The following TGM5 variants were observed in gnomAD, a reference collection of about 807,000 sequenced individuals.
The protein encoded by TGM5 is protein-glutamine gamma-glutamyltransferase 5.
A neutral mutation model predicts 77.2 loss-of-function variants in TGM5; 69 were observed. The ratio of observed to expected loss-of-function variants is 0.89; its 90% CI spans 0.74 to 1.09. The LOEUF (loss-of-function observed/expected upper bound fraction) is 1.09. Among genes scored for constraint, TGM5 ranks in the 50% least tolerant of loss-of-function variants. TGM5 has a pLI of 0.00. For missense variants in TGM5, 842 were observed against 896.5 expected, an observed-to-expected ratio of 0.94 and a Z score of 0.78; for synonymous variants, 346 against 351.8, an observed-to-expected ratio of 0.98 and a Z score of 0.18.
chr15:43,264,693 C>T (rs1398634098), intron 1 of TGM5, among the ~76,000 whole-genome samples: 2 of 151,978 alleles, frequency 1.3e-5, no homozygotes, highest in East Asian at 1.9e-4. Flanking sequence ...TAGATAGTGG[C>T]GATACTCGCA....
Position 43,260,193 on chromosome 15 carries a change from A to T in TGM5, c.295T>A (p.Ser99Thr), listed in dbSNP as rs2042774350. The change falls in exon 3 of 13, where the codon TCC (serine) becomes ACC (threonine). Residue 99 changes from serine to threonine, a missense_variant. Ser to Thr is a moderately conservative substitution (Grantham distance 58, BLOSUM62 1). Coordinates refer to ENST00000220420, the MANE Select transcript of TGM5 (RefSeq NM_201631.4). ...IAWLETNGAT[S>T]TEVSLCAPPT... is the part of the protein sequence containing the mutation. ...GGAGCGCACAAGCTCACCTCTGTGG[A>T]GGTGGCCCCATTGGTCTCCAGCCAG... 1 of 1,613,850 alleles carries T rather than the reference A, an allele frequency of 6.2e-7. No individual in the cohort carries two copies. The highest frequency in any genetic ancestry group is 8.5e-7 in the Non-Finnish European group (1 of 1,180,008).
At chr15:43,248,598 A>T (rs2042684118) in intron 6 of TGM5, among the ~76,000 whole-genome samples, 1 of 152,100 alleles carries the variant, frequency 6.6e-6, no homozygotes. Context: ...CTTTCTATCT[A>T]CTCTCCATGT....
chr15:43,239,194 CA>C lies in TGM5; in HGVS notation c.1073del (p.Val358GlyfsTer9), dbSNP rs2042615448. On this transcript the variant is annotated frameshift_variant, in exon 8 of 13. Coordinates refer to ENST00000220420, the MANE Select transcript of TGM5 (RefSeq NM_201631.4). LOFTEE classifies it high-confidence loss of function. ...TCATCTCCTGAGGTGTGGCGTCCAGCACCTGCCAGCCTCCATATGCAGGGGG... is the reference window on the plus strand; with the variant it reads ...TCATCTCCTGAGGTGTGGCGTCCAGCCCTGCCAGCCTCCATATGCAGGGGG... ...DLPPAYGGWQ[V>X]LDATPQEMSN... The C allele has an allele frequency of 6.2e-7, 1 of 1,614,038 alleles. No homozygotes were observed. The highest frequency in any genetic ancestry group is 8.5e-7 in the Non-Finnish European group (1 of 1,180,032).
At chr15:43,256,711 G>A (rs1321905687) in intron 3 of TGM5, 25 bp from the exon 4 acceptor site, 14 of 1,542,340 alleles carry the variant, frequency 9.1e-6, no homozygotes, top group African/African-American at 4.1e-5. Context: ...GGGAGGGCAC[G>A]AAGCAGAAAA....
Position 43,260,547 on chromosome 15 carries a change from A to G in TGM5, c.43T>C (p.Ser15Pro). The change falls in exon 2 of 13, where the codon TCC becomes CCC. Residue 15 changes from serine (S) to proline (P), a missense_variant. Ser to Pro is a moderately conservative substitution (Grantham distance 74, BLOSUM62 -1). This residue lies in a region of TGM5 where 815 missense variants were observed against 844.6 expected (regional missense o/e 0.96). Transcript: ENST00000220420. ...GTGTGGTGCCGCACATTATTTCTGG[A>G]GCTCTGGAGGTCTGTGAGGGCCACT... ...LEVALTDLQSSRNNVRHHTEE... is the reference protein window; with the variant it reads ...LEVALTDLQSPRNNVRHHTEE... 6.2e-7 allele frequency: 1 copy of G among 1,613,950 alleles called. No individual in the cohort carries two copies. The highest frequency in any genetic ancestry group is 8.5e-7 in the Non-Finnish European group (1 of 1,179,932).
intron 4 of TGM5, among the ~76,000 whole-genome samples, chr15:43,255,321 A>C (rs2042735472): frequency 6.6e-6 from 1 of 152,136 alleles, no homozygotes; most frequent in African/African-American, 2.4e-5. Flanking sequence ...GTGACAGAGC[A>C]AGACCATGTC....
In TGM5 at chr15:43,260,061, A is replaced by T; in HGVS notation, c.427T>A (p.Trp143Arg). The change falls in exon 3 of 13, where the codon TGG becomes AGG. Residue 143 changes from tryptophan (W) to arginine (R), a missense_variant. Physicochemically the swap from Trp to Arg is moderately radical, Grantham distance 101. This residue lies in a region of TGM5 where 815 missense variants were observed against 844.6 expected (regional missense o/e 0.96). Coordinates refer to ENST00000220420, the MANE Select transcript of TGM5 (RefSeq NM_201631.4). ...LGEFILLFNP[W>R]CPEDAVYLDS... is the part of the protein sequence containing the mutation. ...GGGCACCCAGCCTTACCTGGGCACC[A>T]GGGATTGAAAAGCAGGATGAACTCC... 3 of 1,613,832 alleles carry T rather than the reference A, an allele frequency of 1.9e-6. No homozygotes were observed. Among genetic ancestry groups the T allele is most frequent in the Non-Finnish European group, 2.5e-6 (3 of 1,180,032 alleles).
At chr15:43,252,615 C>T (rs1026845992) in intron 6 of TGM5, 144 bp downstream of exon 6, 17 of 1,097,126 alleles carry the variant, frequency 1.5e-5, no homozygotes, top group Admixed American at 2.1e-5. Flanking sequence ...CGTGCCCGGC[C>T]GAGACATTTC....
chr15:43,256,660 G>T lies in TGM5; in HGVS notation c.463C>A (p.Pro155Thr). The T allele has an allele frequency of 6.2e-7, 1 of 1,614,016 alleles. No homozygotes were observed. The highest frequency in any genetic ancestry group is 8.5e-7 in the Non-Finnish European group (1 of 1,179,952). The change falls in exon 4 of 13, where the codon CCC becomes ACC. Residue 155 changes from proline to threonine, a missense_variant. Pro to Thr is a conservative substitution (Grantham distance 38). This residue lies in a region of TGM5 where 815 missense variants were observed against 844.6 expected (regional missense o/e 0.96). Coordinates refer to ENST00000220420, the MANE Select transcript of TGM5 (RefSeq NM_201631.4). ...PEDAVYLDSE[P>T]QRQEYVMNDY... is the part of the protein sequence containing the mutation. ...TTCATGACATACTCCTGCCTCTGGG[G>T]TTCACTGTCCAAGTAGACAGCATCC...
At chr15:43,254,248 G>C (rs475227) in intron 4 of TGM5, among the ~76,000 whole-genome samples, 72,260 of 151,910 alleles carry the variant, frequency 0.48, 21,949 homozygotes, top group African/African-American at 0.87. Flanking sequence ...CTGGGTATGT[G>C]CCCTCTCCGC....
intron 5 of TGM5, among the ~76,000 whole-genome samples, chr15:43,253,284 C>T (rs1393188220): frequency 6.6e-6 from 1 of 152,248 alleles, no homozygotes; most frequent in Non-Finnish European, 1.5e-5. Context: ...TACACTCACC[C>T]TTTCTCAAAA....
In TGM5 at chr15:43,234,776, G is replaced by C. The variant is rs143722994; in HGVS notation, c.1868C>G (p.Thr623Arg). The C allele has an allele frequency of 6.2e-7, 1 of 1,614,168 alleles. No homozygotes were observed. Among genetic ancestry groups the C allele is most frequent in the South Asian group, 1.1e-5 (1 of 91,070 alleles). ...TGCAGGACTCCTGCCTACATTAATC[G>C]TGATGCTTGGATAAGATAAGGTGAT... ...KIITLSYPSI[T>R]INVLGAAVVN... Residue 623 changes from threonine to arginine, a missense_variant, in exon 11 of 13, where the codon ACG (threonine) becomes AGG (arginine). Coordinates refer to ENST00000220420, the MANE Select transcript of TGM5 (RefSeq NM_201631.4).
At chr15:43,263,538 G>A (rs1043951582) in intron 1 of TGM5, among the ~76,000 whole-genome samples, 40 of 152,212 alleles carry the variant, frequency 2.6e-4, no homozygotes, top group African/African-American at 9.4e-4. Context: ...TTTGACAAAG[G>A]TGCCAAGACA....
intron 1 of TGM5, 38 bp downstream of exon 1, chr15:43,266,802 T>C: frequency 6.2e-7 from 1 of 1,613,914 alleles, no homozygotes; most frequent in Non-Finnish European, 8.5e-7. Context: ...CTGTCCTTCT[T>C]ATCCCTGAAC....
At chr15:43,250,739 G>A (rs2142371368) in intron 6 of TGM5, among the ~76,000 whole-genome samples, 1 of 152,276 alleles carries the variant, frequency 6.6e-6, no homozygotes, top group East Asian at 1.9e-4. Context: ...GACTCAGTAA[G>A]TATTGCTGTG....
chr15:43,259,747 C>T (rs1475704353), intron 3 of TGM5, among the ~76,000 whole-genome samples: 7 of 151,840 alleles, frequency 4.6e-5, no homozygotes, highest in East Asian at 3.8e-4. Context: ...CCTTTTATAA[C>T]GAAAAATACT....
intron 6 of TGM5, among the ~76,000 whole-genome samples, chr15:43,241,727 G>A (rs1245699910): frequency 6.6e-6 from 1 of 151,768 alleles, no homozygotes; most frequent in Non-Finnish European, 1.5e-5. Context: ...TCCTCCTCCC[G>A]GGTTCAAGCA....
intron 1 of TGM5, among the ~76,000 whole-genome samples, chr15:43,265,951 TG>T (rs879905270): frequency 1.7e-3 from 254 of 152,290 alleles, no homozygotes; most frequent in Non-Finnish European, 2.6e-3. Flanking sequence ...TACAATATGA[TG>T]ATACCATGGA....
Position 43,260,417 on chromosome 15 carries a change from A to T in TGM5, c.173T>A (p.Ile58Asn). ...GTTCTTACCAGTTTCAACCACGAAGATGATGTTGTCCAGGCCTGGCTGGAA... is the reference window on the plus strand; with the variant it reads ...GTTCTTACCAGTTTCAACCACGAAGTTGATGTTGTCCAGGCCTGGCTGGAA... ...RSFQPGLDNI[I>N]FVVETGPLPD... Residue 58 changes from isoleucine (I) to asparagine (N), a missense_variant, in exon 2 of 13, where the codon ATC becomes AAC. Ile to Asn is a moderately radical substitution (Grantham distance 149). Around this residue, in one of 2 missense-constraint regions of TGM5, gnomAD observed 815 missense variants for 844.6 expected, o/e 0.96. Transcript: ENST00000220420. 6.2e-7 allele frequency: 1 copy of T among 1,614,196 alleles called. No homozygotes were observed. Among genetic ancestry groups the T allele is most frequent in the Non-Finnish European group, 8.5e-7 (1 of 1,180,038 alleles).
Sources: gnomAD v4.1 joint callset for allele counts (sites outside exome capture counted in the v4.1 genomes callset) on GRCh38, gnomAD v4.1.1 for gene constraint, gnomAD v4.1.1 regional missense constraint, MANE v1.5 for transcripts, NCBI Gene and HGNC (gene_info 2026-07-23, HGNC 2026-07-21) for gene names.